The following KIF16B variants were observed in gnomAD, a reference collection of about 807,000 sequenced individuals.
KIF16B encodes the protein kinesin family member 16B.
In KIF16B, 98 loss-of-function variants were observed where a neutral mutation model predicts 156.3. The ratio of observed to expected loss-of-function variants is 0.63; its 90% confidence interval spans 0.53 to 0.74. The LOEUF is 0.74. KIF16B is among the 30% of genes least tolerant of loss of function. The pLI, the probability that KIF16B is intolerant of heterozygous loss-of-function variation, is 0.00. For missense variants in KIF16B, 1,421 were observed against 1,606.5 expected (o/e 0.88, Z 1.97); for synonymous variants, 564 against 583.7 (o/e 0.97, Z 0.49).
chr20:16,312,274 C>A, intron 25 of KIF16B, 61 bp downstream of exon 25: 1 of 1,237,948 alleles, frequency 8.1e-7, no homozygotes, highest in South Asian at 1.3e-5. Context: ...AGAAACAATT[C>A]TTACCGGTCA....
chr20:16,379,932 G>C lies in KIF16B; in HGVS notation c.2070C>G (p.Ile690Met). 1 of 1,614,144 alleles carries C rather than the reference G, an allele frequency of 6.2e-7. No homozygotes were observed. The highest frequency in any genetic ancestry group is 8.5e-7 in the Non-Finnish European group (1 of 1,180,040). Residue 690 changes from isoleucine (I) to methionine (M), a missense_variant, in exon 19 of 26, where the codon ATC becomes ATG. By Grantham distance (10) the Ile-to-Met change is conservative. Transcript: ENST00000354981. ...CTTCTTGTCTCTTCTTCTGCAGCTC[G>C]ATTTCCTGCTGTTCCCTCAGCCTCT... is the stretch of plus-strand genomic sequence containing the variant. ...EEERLREQQE[I>M]ELQKKRQEEE...
chr20:16,304,784 T>C lies in KIF16B; in HGVS notation c.3795+7551A>G, dbSNP rs986901140. 2.2e-4 allele frequency among the ~76,000 whole-genome samples: 33 copies of C among 152,182 alleles called. 1 individual carries two copies. The highest frequency in any genetic ancestry group is 5.9e-5 in the Non-Finnish European group (4 of 68,030). ...ATCCTAGGATTTTTACTTCTTGATA[T>C]TTACTTTGAAACCAAAAAGGCTCAA... On this transcript the variant is annotated intron_variant, in intron 25 of 25. Coordinates refer to ENST00000354981, the MANE Select transcript of KIF16B (RefSeq NM_024704.5).
intron 12 of KIF16B, among the ~76,000 whole-genome samples, chr20:16,431,970 A>G (rs1161848969): frequency 6.7e-6 from 1 of 149,224 alleles, no homozygotes; most frequent in Non-Finnish European, 1.5e-5. Context: ...CTCTGGCTAG[A>G]ATGTAACCCA....
intron 1 of KIF16B, among the ~76,000 whole-genome samples, chr20:16,561,673 A>G (rs919598521): frequency 1.4e-4 from 21 of 152,204 alleles, no homozygotes; most frequent in Admixed American, 5.2e-4. Flanking sequence ...CCACGTAATC[A>G]AGGTCAACAT....
chr20:16,546,284 A>G (rs6034526), intron 1 of KIF16B, among the ~76,000 whole-genome samples: 5,797 of 152,300 alleles, frequency 0.038, 171 homozygotes, highest in Middle Eastern at 0.078. Context: ...ATTGAGCTGC[A>G]CTGATGTACA....
chr20:16,430,552 T>A (rs1295626425), intron 12 of KIF16B, among the ~76,000 whole-genome samples: 1 of 152,152 alleles, frequency 6.6e-6, no homozygotes, highest in Non-Finnish European at 1.5e-5. Flanking sequence ...CCTCTCCTTA[T>A]AGCTACCACC....
At chr20:16,557,262 C>A (rs1050553283) in intron 1 of KIF16B, among the ~76,000 whole-genome samples, 1 of 151,858 alleles carries the variant, frequency 6.6e-6, no homozygotes, top group African/African-American at 2.4e-5. Flanking sequence ...CTCACTGCAA[C>A]CTCCGCCTCC....
intron 1 of KIF16B, among the ~76,000 whole-genome samples, chr20:16,549,618 A>C (rs2070560847): frequency 6.6e-6 from 1 of 152,054 alleles, no homozygotes; most frequent in Non-Finnish European, 1.5e-5. Flanking sequence ...TACAGTAACC[A>C]AAACAGCATG....
intron 10 of KIF16B, among the ~76,000 whole-genome samples, chr20:16,499,149 G>A (rs2068544040): frequency 6.6e-6 from 1 of 152,042 alleles, no homozygotes; most frequent in Non-Finnish European, 1.5e-5. Context: ...GCGTCTGTGG[G>A]ACCCACCCTG....
intron 25 of KIF16B, among the ~76,000 whole-genome samples, chr20:16,276,324 C>A (rs1189632804): frequency 6.6e-6 from 1 of 152,208 alleles, no homozygotes; most frequent in Middle Eastern, 3.2e-3. Context: ...GTATTTGAGA[C>A]ACCTCCCTTC....
At chr20:16,550,596 G>A (rs531470059) in intron 1 of KIF16B, among the ~76,000 whole-genome samples, 6 of 144,934 alleles carry the variant, frequency 4.1e-5, no homozygotes, top group Non-Finnish European at 7.4e-5. Context: ...GCAGTGGTGC[G>A]ATCAGAGCTC....
chr20:16,366,078 GGACA>G (rs10545830), intron 22 of KIF16B, among the ~76,000 whole-genome samples: 102,463 of 151,428 alleles, frequency 0.68, 35,852 homozygotes, highest in East Asian at 0.97. Context: ...GGACAGAGGG[GGACA>G]GAGAGGAAAG....
chr20:16,412,140 G>A (rs1366504723), intron 15 of KIF16B, among the ~76,000 whole-genome samples: 1 of 151,978 alleles, frequency 6.6e-6, no homozygotes, highest in African/African-American at 2.4e-5. Flanking sequence ...GACCATGAGA[G>A]AGGGAGAAAG....
At chr20:16,513,718 C>T (rs2069040952) in intron 4 of KIF16B, among the ~76,000 whole-genome samples, 1 of 151,502 alleles carries the variant, frequency 6.6e-6, no homozygotes, top group Non-Finnish European at 1.5e-5. Flanking sequence ...CAGAGTAACC[C>T]CTACCCTGGC....
chr20:16,346,040 C>T (rs2064227827), intron 23 of KIF16B, among the ~76,000 whole-genome samples: 1 of 152,204 alleles, frequency 6.6e-6, no homozygotes, highest in Admixed American at 6.5e-5. Flanking sequence ...CATCCAGGGA[C>T]ACAAGGCAAG....
intron 23 of KIF16B, among the ~76,000 whole-genome samples, chr20:16,346,596 A>G (rs1258075992): frequency 1.3e-5 from 2 of 152,228 alleles, no homozygotes; most frequent in African/African-American, 4.8e-5. Context: ...TGCCTTTTGC[A>G]ATAACCAGAA....
At chr20:16,412,096 GAAGAA>G (rs1348005207) in intron 15 of KIF16B, among the ~76,000 whole-genome samples, 1 of 151,912 alleles carries the variant, frequency 6.6e-6, no homozygotes, top group Non-Finnish European at 1.5e-5. Flanking sequence ...TGGCCAAGTA[GAAGAA>G]AATAAACTTA....
chr20:16,516,794 C>A (rs1009814253), intron 3 of KIF16B, among the ~76,000 whole-genome samples: 4 of 152,212 alleles, frequency 2.6e-5, no homozygotes, highest in African/African-American at 4.8e-5. Context: ...TTTGAAAAGT[C>A]CAATGGCCAG....
At chr20:16,383,103 CCTCT>C (rs1294441298) in intron 17 of KIF16B, among the ~76,000 whole-genome samples, 1 of 152,102 alleles carries the variant, frequency 6.6e-6, no homozygotes, top group Non-Finnish European at 1.5e-5. Flanking sequence ...AAGCAATCCT[CCTCT>C]CTGTTTCCTG....
Sources: gnomAD v4.1 joint callset for allele counts (sites outside exome capture counted in the v4.1 genomes callset) on GRCh38, gnomAD v4.1.1 for gene constraint, MANE v1.5 for transcripts, NCBI Gene and HGNC (gene_info 2026-07-23, HGNC 2026-07-21) for gene names.